RCOR3: variants seen among roughly 807,000 people sequenced by gnomAD.
RCOR3 encodes the protein REST corepressor 3.
RCOR3 carries 13 observed loss-of-function variants against 64.1 expected under a neutral mutation model. The observed-to-expected ratio is 0.20, with a 90% CI of 0.13 to 0.32. The LOEUF (loss-of-function observed/expected upper bound fraction) is 0.32, where lower values mean the gene tolerates loss of function less well. RCOR3 is among the 10% of genes least tolerant of loss of function. RCOR3 has a pLI of 1.00. For missense variants in RCOR3, 489 were observed against 701.2 expected, an observed-to-expected ratio of 0.70 and a Z score of 3.42; for synonymous variants, 215 against 239.0, an observed-to-expected ratio of 0.90 and a Z score of 0.93.
intron 9 of RCOR3, among the ~76,000 whole-genome samples, chr1:211,300,616 C>T (rs1167932455): frequency 6.6e-6 from 1 of 152,104 alleles, no homozygotes; most frequent in African/African-American, 2.4e-5. Flanking sequence ...ATTCATTTCC[C>T]CTGTCTTGGA....
chr1:211,295,741 C>G lies in RCOR3; in HGVS notation c.1005C>G (p.Phe335Leu), dbSNP rs757858770. The change falls in exon 9 of 12, where the codon TTC becomes TTG. Residue 335 changes from phenylalanine to leucine, a missense_variant. Around this residue, in one of 2 missense-constraint regions of RCOR3, gnomAD observed 402 missense variants for 617.0 expected, o/e 0.65. Transcript: ENST00000419091. ...AAATGGAAGGTGGAATTGAAGAATT[C>G]AAACCTCCTGAGGTATGTTATTGAA... ...KQKMEGGIEE[F>L]KPPESNQKIN... 1.2e-6 allele frequency: 2 copies of G among 1,612,928 alleles called. No homozygotes were observed. Among genetic ancestry groups the G allele is most frequent in the African/African-American group, 2.7e-5 (2 of 74,822 alleles).
Position 211,276,370 on chromosome 1 carries a change from A to G in RCOR3, c.468A>G (p.Glu156=), listed in dbSNP as rs199565987. The G allele has an allele frequency of 1.2e-6, 2 of 1,613,880 alleles. No homozygotes were observed. Among genetic ancestry groups the G allele is most frequent in the East Asian group, 4.5e-5 (2 of 44,858 alleles). Residue 156 remains glutamate (E), a synonymous_variant, in exon 5 of 12, where the codon GAA becomes GAG. Coordinates refer to ENST00000419091, the MANE Select transcript of RCOR3 (RefSeq NM_001136223.3). ...CAGTGGAAGATAAAGTCCTATTTGA[A>G]CAAGCCTTTAGTTTTCATGGAAAGA... ...EWTVEDKVLF[E]QAFSFHGKSF... is the part of the protein sequence containing the mutation.
intron 10 of RCOR3, among the ~76,000 whole-genome samples, chr1:211,306,250 C>A (rs1380750418): frequency 6.6e-6 from 1 of 151,972 alleles, no homozygotes; most frequent in Non-Finnish European, 1.5e-5. Flanking sequence ...GTAGTAACGT[C>A]CCCTGTACCT....
In RCOR3 at chr1:211,314,473, T is replaced by C. The variant is rs967764327; in HGVS notation, c.*705T>C. ...TACAGTTTAGGGTCCTAGCGCAGAGTCCTTGTTTAAAGGTCATTGACTCAT... is the reference window on the plus strand; with the variant it reads ...TACAGTTTAGGGTCCTAGCGCAGAGCCCTTGTTTAAAGGTCATTGACTCAT... On this transcript the variant is annotated 3_prime_UTR_variant, in exon 12 of 12. Coordinates refer to ENST00000419091, the MANE Select transcript of RCOR3 (RefSeq NM_001136223.3). 2.6e-5 allele frequency: 4 copies of C among 152,194 alleles called. No individual in the cohort carries two copies. Among genetic ancestry groups the C allele is most frequent in the Non-Finnish European group, 4.4e-5 (3 of 68,002 alleles). The allele number at this position is 152,194 out of a possible 1,614,324, so 9.4% of individuals were successfully genotyped here. A position where few individuals can be genotyped will look rare whatever the true frequency, so the allele number is the denominator to read the frequency against.
Position 211,312,238 on chromosome 1 carries a change from T to A in RCOR3, c.1076-482T>A, listed in dbSNP as rs1394897796. Reference sequence around the variant, plus strand: ...TTGAAGTTAGTATTAAGACCAAAATTATAATGCTTTTCTTAATGGGGGAAC... The same window carrying A: ...TTGAAGTTAGTATTAAGACCAAAATAATAATGCTTTTCTTAATGGGGGAAC... On this transcript the variant is annotated intron_variant, in intron 10 of 11. Coordinates refer to ENST00000419091, the MANE Select transcript of RCOR3 (RefSeq NM_001136223.3). The surrounding 1 kb of genome is among the most constrained non-coding windows in gnomAD (Gnocchi z 5.0). The A allele has an allele frequency of 3.0e-6, 1 of 331,844 alleles. No individual in the cohort carries two copies. The highest frequency in any genetic ancestry group is 2.9e-5 in the Admixed American group (1 of 34,516). The allele number at this position is 331,844 out of a possible 1,614,324, so 20.6% of individuals were successfully genotyped here.
intron 3 of RCOR3, among the ~76,000 whole-genome samples, chr1:211,272,822 C>T (rs985922661): frequency 1.3e-5 from 2 of 150,886 alleles, no homozygotes; most frequent in Non-Finnish European, 3.0e-5. Context: ...GGGGTTTCAC[C>T]GTTTTAGCCA....
chr1:211,303,206 C>T (rs900316348), intron 9 of RCOR3: 2 of 152,136 alleles, frequency 1.3e-5, no homozygotes, highest in Non-Finnish European at 2.9e-5. Flanking sequence ...CATTTCTCCT[C>T]TAACAAATTT....
rs578255161 is a variant in RCOR3, at chr1:211,302,371, C to T, written c.1018-1712C>T. 6 of 152,232 alleles carry T rather than the reference C, an allele frequency of 3.9e-5. No individual in the cohort carries two copies. In the South Asian group the frequency reaches 1.2e-3, roughly 32 times the overall value. The allele number at this position is 152,232 out of a possible 1,614,324, so 9.4% of individuals were successfully genotyped here. A position where few individuals can be genotyped will look rare whatever the true frequency, so the allele number is the denominator to read the frequency against. ...CAGATGAGTATCCAGCAGAATTAAC[C>T]ATTAAAGAAAAAAGTGATCACTCAC... On this transcript the variant is annotated intron_variant, in intron 9 of 11. Transcript: ENST00000419091.
chr1:211,280,356 A>G (rs910511804), intron 7 of RCOR3, among the ~76,000 whole-genome samples: 1 of 152,202 alleles, frequency 6.6e-6, no homozygotes, highest in East Asian at 1.9e-4. Flanking sequence ...AACATATTAC[A>G]GTTACTGTAT....
rs1201265233 is a variant in RCOR3 at position 211,312,677 on chromosome 1, C to T, written c.1076-43C>T. On this transcript the variant is annotated intron_variant, in intron 10 of 11. Transcript: ENST00000419091. The surrounding 1 kb of genome is among the most constrained non-coding windows in gnomAD (Gnocchi z 5.0). ...ATGATGTATAGTACACACAGCTCTC[C>T]TTATTGATCCTTCACAGGTGTATTA... 1.4e-6 allele frequency: 2 copies of T among 1,382,226 alleles called. No homozygotes were observed. Among genetic ancestry groups the T allele is most frequent in the South Asian group, 2.3e-5 (2 of 85,244 alleles). 85.6% of individuals were successfully genotyped at this position (1,382,226 alleles called of 1,614,324 possible).
At chr1:211,272,712 C>T (rs998489295) in intron 3 of RCOR3, among the ~76,000 whole-genome samples, 61 of 144,836 alleles carry the variant, frequency 4.2e-4, no homozygotes, top group Non-Finnish European at 6.0e-5. Context: ...AGCTCCGCCT[C>T]CCGGGTTCAC....
At chr1:211,286,411 G>GT (rs1355268721) in intron 7 of RCOR3, among the ~76,000 whole-genome samples, 1 of 151,412 alleles carries the variant, frequency 6.6e-6, no homozygotes, top group East Asian at 1.9e-4. Context: ...AGGTTCAAGT[G>GT]ATTCTCCTGC....
chr1:211,277,972 A>G (rs1449994999), intron 5 of RCOR3, 145 bp from the exon 6 acceptor site: 5 of 654,232 alleles, frequency 7.6e-6, no homozygotes, highest in Non-Finnish European at 1.3e-5. Flanking sequence ...TACTGACTGT[A>G]GTAGTACTTT....
intron 8 of RCOR3, among the ~76,000 whole-genome samples, chr1:211,289,717 T>C (rs1253502489): frequency 6.6e-6 from 1 of 152,238 alleles, no homozygotes; most frequent in Non-Finnish European, 1.5e-5. Flanking sequence ...GTGATACATG[T>C]AGATTGTTTA....
At position 211,313,194 on chromosome 1, in the gene RCOR3, G is replaced by A. The variant is rs950155677; in HGVS notation, c.1318-230G>A. 2.8e-6 allele frequency: 4 copies of A among 1,433,192 alleles called. No homozygotes were observed. Among genetic ancestry groups the A allele is most frequent in the African/African-American group, 2.9e-5 (2 of 69,686 alleles). The allele number at this position is 1,433,192 out of a possible 1,614,324, so 88.8% of individuals were successfully genotyped here. ...TTTCATAGTCTTATTTTTATTTTCA[G>A]TGTTAAGCTGTTTACAAATAAAGAT... is the stretch of plus-strand genomic sequence containing the variant. On this transcript the variant is annotated intron_variant, in intron 11 of 11. Coordinates refer to ENST00000419091, the MANE Select transcript of RCOR3 (RefSeq NM_001136223.3). The surrounding 1 kb of genome is among the most constrained non-coding windows in gnomAD (Gnocchi z 4.7).
Position 211,279,411 on chromosome 1 carries a change from A to G in RCOR3, c.720+95A>G, listed in dbSNP as rs1384718449. ...GTATTAAGAAAAACTTTTTAATGTA[A>G]TGCTTTATGAGATAGTAAATTTCAG... On this transcript the variant is annotated intron_variant, in intron 7 of 11. Transcript: ENST00000419091. 14 of 831,376 alleles carry G rather than the reference A, an allele frequency of 1.7e-5. No individual in the cohort carries two copies. The South Asian group carries it at 1.9e-4, about 11-fold the overall frequency. The allele number at this position is 831,376 out of a possible 1,614,324, so 51.5% of individuals were successfully genotyped here.
intron 7 of RCOR3, among the ~76,000 whole-genome samples, chr1:211,284,301 C>T (rs1008003576): frequency 6.6e-6 from 1 of 151,904 alleles, no homozygotes; most frequent in Non-Finnish European, 1.5e-5. Context: ...AGGATGGTCT[C>T]GATCTCCTGA....
intron 2 of RCOR3, among the ~76,000 whole-genome samples, chr1:211,268,529 G>A (rs1202906921): frequency 4.6e-5 from 7 of 151,512 alleles, no homozygotes; most frequent in African/African-American, 1.7e-4. Context: ...ACAGGCATGC[G>A]CCACCACACC....
chr1:211,296,258 G>C (rs1699853910), intron 9 of RCOR3, among the ~76,000 whole-genome samples: 1 of 152,156 alleles, frequency 6.6e-6, no homozygotes, highest in South Asian at 2.1e-4. Flanking sequence ...ACAAGGTATA[G>C]ATTGACCATT....
Sources: gnomAD v4.1 joint callset for allele counts (sites outside exome capture counted in the v4.1 genomes callset) on GRCh38, gnomAD v4.1.1 for gene constraint, gnomAD v4.1.1 regional missense constraint, Gnocchi (gnomAD v3.1) non-coding constraint, MANE v1.5 for transcripts, NCBI Gene and HGNC (gene_info 2026-07-23, HGNC 2026-07-21) for gene names.